Variants in BLM observed in about 807,000 individuals in gnomAD.
BLM encodes the protein BLM RecQ like helicase.
A neutral mutation model predicts 135.3 loss-of-function variants in BLM; 95 were observed. The observed-to-expected ratio is 0.70, with a 90% CI of 0.59 to 0.83. The LOEUF (loss-of-function observed/expected upper bound fraction) is 0.83. Ranked by LOEUF, BLM falls within the 40% of genes least tolerant of loss-of-function variation. BLM has a pLI of 0.00. For synonymous variants in BLM, 520 were observed against 589.2 expected, an observed-to-expected ratio of 0.88 and a Z score of 1.70; for missense variants, 1,518 against 1,663.9, an observed-to-expected ratio of 0.91 and a Z score of 1.53.
chr15:90,730,501 G>A (rs1895038040), intron 1 of BLM, among the ~76,000 whole-genome samples: 1 of 152,090 alleles, frequency 6.6e-6, no homozygotes, highest in East Asian at 1.9e-4. Flanking sequence ...CCAGGCTGGA[G>A]TGCAGTGGCG....
intron 2 of BLM, among the ~76,000 whole-genome samples, chr15:90,748,165 A>G (rs1262932134): frequency 2.2e-5 from 3 of 139,192 alleles, no homozygotes; most frequent in East Asian, 2.2e-4. Flanking sequence ...CTGGAGTGCC[A>G]TGGCACAATC....
intron 16 of BLM, among the ~76,000 whole-genome samples, chr15:90,796,693 G>C (rs780328196): frequency 6.6e-6 from 1 of 152,180 alleles, no homozygotes; most frequent in Admixed American, 6.6e-5. Context: ...TTGTGGCCAC[G>C]TAGTGACAGT....
At chr15:90,801,695 A>G (rs1897168413) in intron 17 of BLM, among the ~76,000 whole-genome samples, 1 of 152,192 alleles carries the variant, frequency 6.6e-6, no homozygotes, top group South Asian at 2.1e-4. Flanking sequence ...GCTGAAAACA[A>G]AAACTGTTTA....
chr15:90,780,389 T>G (rs931457555), intron 12 of BLM, among the ~76,000 whole-genome samples: 4 of 152,306 alleles, frequency 2.6e-5, no homozygotes, highest in African/African-American at 9.6e-5. Flanking sequence ...GTCCAGGATG[T>G]CTTTTTTCTA....
At chr15:90,739,919 A>T (rs1895320093) in intron 1 of BLM, among the ~76,000 whole-genome samples, 1 of 151,960 alleles carries the variant, frequency 6.6e-6, no homozygotes, top group Non-Finnish European at 1.5e-5. Context: ...ATGCACCATC[A>T]TTCCTGGCTA....
rs762924653 is a variant in BLM, at chr15:90,804,169, A to C, written c.3561A>C (p.Val1187=). 6.2e-7 allele frequency: 1 copy of C among 1,612,956 alleles called. No individual in the cohort carries two copies. The highest frequency in any genetic ancestry group is 1.3e-5 in the African/African-American group (1 of 75,024). Residue 1187 remains valine (V), a splice_region_variant and synonymous_variant, in exon 19 of 22, where the codon GTA becomes GTC. Coordinates refer to ENST00000355112, the MANE Select transcript of BLM (RefSeq NM_000057.4). ...AQTVLNGNLK[V]DFMETENSSS... ...TGATTTGTTTCTCTCTCATAAAGGTAGACTTTATGGAAACAGAAAATTCCA... is the reference window on the plus strand; with the variant it reads ...TGATTTGTTTCTCTCTCATAAAGGTCGACTTTATGGAAACAGAAAATTCCA...
chr15:90,762,647 T>C (rs764761982), intron 7 of BLM, among the ~76,000 whole-genome samples: 2 of 151,264 alleles, frequency 1.3e-5, no homozygotes, highest in African/African-American at 2.4e-5. Context: ...ATGGAGGTAG[T>C]AGAGCCAGGA....
chr15:90,790,543 C>A, intron 14 of BLM, 106 bp from the exon 15 acceptor site: 1 of 1,067,748 alleles, frequency 9.4e-7, no homozygotes, highest in Non-Finnish European at 1.4e-6. Flanking sequence ...ATGTAGTGTG[C>A]ATTTTAAAGT....
intron 17 of BLM, among the ~76,000 whole-genome samples, chr15:90,800,381 A>T (rs1054291644): frequency 2.0e-5 from 3 of 152,194 alleles, no homozygotes; most frequent in African/African-American, 7.2e-5. Context: ...ATCTATGCAG[A>T]CTAACAAAAG....
intron 1 of BLM, among the ~76,000 whole-genome samples, chr15:90,738,252 C>A (rs75544555): frequency 1.4e-4 from 21 of 152,282 alleles, no homozygotes; most frequent in Non-Finnish European, 2.9e-4. Context: ...GTCCAATTTT[C>A]CTCAAGCTCT....
chr15:90,728,902 G>A (rs905312600), intron 1 of BLM, among the ~76,000 whole-genome samples: 6 of 151,960 alleles, frequency 3.9e-5, no homozygotes, highest in Non-Finnish European at 5.9e-5. Context: ...CATAGAGGCC[G>A]GGAACATTGG....
intron 9 of BLM, among the ~76,000 whole-genome samples, chr15:90,765,651 A>T (rs2151162786): frequency 6.6e-6 from 1 of 152,378 alleles, no homozygotes; most frequent in East Asian, 1.9e-4. Flanking sequence ...TTGCTGATGT[A>T]AATTTTTTTA....
chr15:90,720,205 T>C (rs1218808707), intron 1 of BLM, among the ~76,000 whole-genome samples: 1 of 152,212 alleles, frequency 6.6e-6, no homozygotes, highest in Non-Finnish European at 1.5e-5. Flanking sequence ...GCAGTAATAA[T>C]GTCTTTCCCA....
At chr15:90,805,048 C>G (rs1168739006) in intron 19 of BLM, among the ~76,000 whole-genome samples, 1 of 152,046 alleles carries the variant, frequency 6.6e-6, no homozygotes, top group Non-Finnish European at 1.5e-5. Context: ...GTTGGTCAGG[C>G]TGGTCTCAAA....
At chr15:90,805,135 C>T (rs1429408328) in intron 19 of BLM, among the ~76,000 whole-genome samples, 2 of 117,550 alleles carry the variant, frequency 1.7e-5, no homozygotes, top group African/African-American at 3.2e-5. Flanking sequence ...CATGCGCGGC[C>T]GAAACTTATT....
intron 19 of BLM, among the ~76,000 whole-genome samples, chr15:90,806,419 G>A (rs890800963): frequency 2.6e-5 from 4 of 151,606 alleles, no homozygotes; most frequent in African/African-American, 9.7e-5. Context: ...CCTGAGGCAG[G>A]AGAATTGGTT....
At chr15:90,741,721 T>C (rs567592658) in intron 1 of BLM, among the ~76,000 whole-genome samples, 3 of 152,366 alleles carry the variant, frequency 2.0e-5, no homozygotes, top group Admixed American at 6.5e-5. Context: ...TTGGGTTGTA[T>C]TGGTATATTA....
At chr15:90,738,896 G>A (rs1314135909) in intron 1 of BLM, among the ~76,000 whole-genome samples, 3 of 152,180 alleles carry the variant, frequency 2.0e-5, no homozygotes, top group South Asian at 2.1e-4. Flanking sequence ...GTGAAATGGT[G>A]CAACCACTGT....
At chr15:90,723,527 C>G (rs1894825529) in intron 1 of BLM, among the ~76,000 whole-genome samples, 1 of 151,846 alleles carries the variant, frequency 6.6e-6, no homozygotes, top group African/African-American at 2.4e-5. Flanking sequence ...ATGTCATGCA[C>G]CTGTAGTTCC....
Sources: allele counts gnomAD v4.1 joint callset (sites outside exome capture counted in the v4.1 genomes callset), GRCh38; gene constraint gnomAD v4.1.1; transcripts MANE v1.5; gene names NCBI Gene and HGNC (gene_info 2026-07-23, HGNC 2026-07-21).